Variants in SYBU observed in about 807,000 individuals in gnomAD.
The protein encoded by SYBU is syntabulin, also known as GOLSYN A protein.
SYBU carries 21 observed loss-of-function variants against 35.9 expected under a neutral mutation model. The ratio of observed to expected loss-of-function variants is 0.58; its 90% CI spans 0.41 to 0.84. The LOEUF (loss-of-function observed/expected upper bound fraction) is 0.84, where lower values mean the gene tolerates loss of function less well. SYBU is among the 40% of genes least tolerant of loss of function. The probability of loss-of-function intolerance (pLI) is 0.00; values close to 1 mark genes in which losing one functional copy is unlikely to be tolerated. For missense variants in SYBU, 768 were observed against 848.2 expected (o/e 0.91, Z 1.17); for synonymous variants, 319 against 324.3 (o/e 0.98, Z 0.18).
At chr8:109,653,918 C>T (rs1816254450) in intron 1 of SYBU, among the ~76,000 whole-genome samples, 1 of 152,110 alleles carries the variant, frequency 6.6e-6, no homozygotes, top group Non-Finnish European at 1.5e-5. Context: ...CCCATTCTTT[C>T]CCATCTCTTA....
intron 2 of SYBU, among the ~76,000 whole-genome samples, chr8:109,640,230 G>C (rs1324117682): frequency 6.6e-6 from 1 of 152,188 alleles, no homozygotes; most frequent in East Asian, 1.9e-4. Flanking sequence ...CTTAGCCAGA[G>C]ACAGGTCTCC....
chr8:109,666,840 A>AT (rs1433945359), intron 1 of SYBU, among the ~76,000 whole-genome samples: 2 of 152,174 alleles, frequency 1.3e-5, no homozygotes, highest in Non-Finnish European at 2.9e-5. Context: ...TACTACATTT[A>AT]TTTTTTAAAA....
At chr8:109,661,719 TGTATTAAATATTAAGGG>T (rs1165105080) in intron 1 of SYBU, among the ~76,000 whole-genome samples, 2 of 152,206 alleles carry the variant, frequency 1.3e-5, no homozygotes, top group Admixed American at 1.3e-4. Flanking sequence ...ATAAGCCACA[TGTATTAAATATTAAGGG>T]TGTGCACTCA....
intron 3 of SYBU, among the ~76,000 whole-genome samples, chr8:109,611,229 A>G (rs1811130869): frequency 6.6e-6 from 1 of 152,198 alleles, no homozygotes; most frequent in Non-Finnish European, 1.5e-5. Context: ...CAGGCCCCCA[A>G]ATCAGTGGCT....
chr8:109,617,484 A>G (rs888561104), intron 3 of SYBU, among the ~76,000 whole-genome samples: 1 of 152,222 alleles, frequency 6.6e-6, no homozygotes, highest in Non-Finnish European at 1.5e-5. Context: ...TATATGAATC[A>G]TATCTCAATT....
chr8:109,667,061 C>G (rs1466919943), intron 1 of SYBU, among the ~76,000 whole-genome samples: 1 of 152,160 alleles, frequency 6.6e-6, no homozygotes, highest in East Asian at 1.9e-4. Context: ...GCAGCTTGAA[C>G]TAACTTAGAT....
intron 3 of SYBU, among the ~76,000 whole-genome samples, chr8:109,611,855 T>C (rs1811205810): frequency 1.3e-5 from 2 of 152,210 alleles, no homozygotes; most frequent in Non-Finnish European, 2.9e-5. Context: ...TGCAGTTACA[T>C]TGAGGCTCAC....
intron 3 of SYBU, among the ~76,000 whole-genome samples, chr8:109,597,986 C>T (rs1490277240): frequency 6.6e-6 from 1 of 152,172 alleles, no homozygotes; most frequent in African/African-American, 2.4e-5. Flanking sequence ...TTGAGAGTCA[C>T]TGTTTCAGAA....
intron 3 of SYBU, among the ~76,000 whole-genome samples, chr8:109,592,896 A>G (rs938871453): frequency 3.9e-5 from 6 of 152,238 alleles, no homozygotes; most frequent in African/African-American, 1.4e-4. Flanking sequence ...ATCCTGTTTT[A>G]AGTGCAAAGA....
At chr8:109,599,130 G>A (rs1825219005) in intron 3 of SYBU, among the ~76,000 whole-genome samples, 3 of 152,144 alleles carry the variant, frequency 2.0e-5, no homozygotes, top group Non-Finnish European at 4.4e-5. Context: ...AAGTCTTAAC[G>A]AAATCATCAC....
At chr8:109,643,147 G>GCACACACA (rs35325438) in intron 1 of SYBU, 10 of 1,142,186 alleles carry the variant, frequency 8.8e-6, no homozygotes, top group African/African-American at 8.2e-5. Context: ...TGTCTGTGTG[G>GCACACACA]CACACACACA....
intron 3 of SYBU, among the ~76,000 whole-genome samples, chr8:109,615,875 A>G (rs1811682531): frequency 6.6e-6 from 1 of 152,116 alleles, no homozygotes; most frequent in Non-Finnish European, 1.5e-5. Flanking sequence ...GTATGGGTCC[A>G]TAGTTTTAAT....
At chr8:109,638,131 C>T (rs1404843733) in intron 2 of SYBU, among the ~76,000 whole-genome samples, 3 of 152,152 alleles carry the variant, frequency 2.0e-5, no homozygotes, top group African/African-American at 7.2e-5. Context: ...TAATTTGTTC[C>T]ACCTGCCATG....
At chr8:109,596,416 A>G (rs1007318082) in intron 3 of SYBU, among the ~76,000 whole-genome samples, 7 of 152,184 alleles carry the variant, frequency 4.6e-5, no homozygotes, top group African/African-American at 9.7e-5. Flanking sequence ...CCAATCCATC[A>G]CAAAAACTAG....
intron 3 of SYBU, among the ~76,000 whole-genome samples, chr8:109,601,199 A>G (rs552654307): frequency 2.6e-5 from 4 of 152,266 alleles, no homozygotes; most frequent in Admixed American, 2.0e-4. Flanking sequence ...ATTTCCTTTA[A>G]TCCTTCCTCC....
intron 3 of SYBU, among the ~76,000 whole-genome samples, chr8:109,598,607 T>C (rs1825156331): frequency 6.6e-6 from 1 of 152,240 alleles, no homozygotes; most frequent in South Asian, 2.1e-4. Context: ...TTAGCCTACT[T>C]ATCCACGTGT....
chr8:109,599,753 T>C (rs1182778909), intron 3 of SYBU, among the ~76,000 whole-genome samples: 3 of 152,224 alleles, frequency 2.0e-5, no homozygotes, highest in East Asian at 1.9e-4. Flanking sequence ...AATTCCCTTG[T>C]TGAAACTCCT....
chr8:109,662,215 A>G (rs1340939780), intron 1 of SYBU, among the ~76,000 whole-genome samples: 1 of 152,148 alleles, frequency 6.6e-6, no homozygotes, highest in African/African-American at 2.4e-5. Context: ...TCCTCCATGA[A>G]TTTTAGTTTT....
intron 1 of SYBU, among the ~76,000 whole-genome samples, chr8:109,686,908 A>G (rs989260338): frequency 2.0e-5 from 3 of 152,156 alleles, no homozygotes; most frequent in African/African-American, 4.8e-5. Context: ...GGTCATTTGG[A>G]ATATTCTTAT....
Sources: gnomAD v4.1 joint callset for allele counts (sites outside exome capture counted in the v4.1 genomes callset) on GRCh38, gnomAD v4.1.1 for gene constraint, MANE v1.5 for transcripts, NCBI Gene and HGNC (gene_info 2026-07-23, HGNC 2026-07-21) for gene names.